EP300: variants seen among roughly 807,000 people sequenced by gnomAD.
EP300 encodes the protein EP300 lysine acetyltransferase.
EP300 carries 31 observed loss-of-function variants against 264.0 expected under a neutral mutation model. The ratio of observed to expected loss-of-function variants is 0.12; its 90% confidence interval spans 0.09 to 0.16. EP300 has a LOEUF of 0.16. Ranked by LOEUF, EP300 falls within the 10% of genes least tolerant of loss-of-function variation. The probability of loss-of-function intolerance (pLI) is 1.00; values close to 1 mark genes in which losing one functional copy is unlikely to be tolerated. For missense variants in EP300, 2,766 were observed against 3,052.9 expected (o/e 0.91, Z 2.21); for synonymous variants, 1,340 against 1,045.4 (o/e 1.28, Z -5.44).
At chr22:41,124,780 T>C (rs2058871406) in intron 2 of EP300, among the ~76,000 whole-genome samples, 1 of 152,220 alleles carries the variant, frequency 6.6e-6, no homozygotes, top group Admixed American at 6.5e-5. Context: ...TTTAACAGAA[T>C]TAAATGAAGA....
At position 41,147,910 on chromosome 22, in the gene EP300, C is replaced by G. The variant is rs1416253825; in HGVS notation, c.2205C>G (p.His735Gln). ...CCCGGCAAACCCCTCCTCTTCAGCA[C>G]CATGGACAGTTGGCTCAACCTGGAG... is the stretch of plus-strand genomic sequence containing the variant. The part of the protein sequence containing the change: ...IVPRQTPPLQ[H>Q]HGQLAQPGAL... Residue 735 changes from histidine (H) to glutamine (Q), a missense_variant, in exon 12 of 31, where the codon CAC (histidine) becomes CAG (glutamine). Transcript: ENST00000263253. The G allele has an allele frequency of 6.8e-6, 11 of 1,613,468 alleles. No individual in the cohort carries two copies. The highest frequency in any genetic ancestry group is 9.3e-6 in the Non-Finnish European group (11 of 1,179,710).
Position 41,179,309 on chromosome 22 carries a change from A to G in EP300, c.*353A>G, listed in dbSNP as rs982451873. On this transcript the variant is annotated 3_prime_UTR_variant, in exon 31 of 31. Transcript: ENST00000263253. ...TATTATTTTTTTTAAATTAATGAAC[A>G]TATGTAATATTAATAGTTATTATTT... 1.4e-5 allele frequency: 4 copies of G among 285,800 alleles called. No individual in the cohort carries two copies. The highest frequency in any genetic ancestry group is 6.4e-5 in the African/African-American group (3 of 46,640). 17.7% of individuals were successfully genotyped at this position (285,800 alleles called of 1,614,324 possible).
At chr22:41,165,068 G>A (rs1022386385) in intron 22 of EP300, among the ~76,000 whole-genome samples, 3 of 152,022 alleles carry the variant, frequency 2.0e-5, no homozygotes, top group African/African-American at 4.8e-5. Flanking sequence ...TTTTTTCACC[G>A]TTATTTTCAC....
chr22:41,178,620 C>G lies in EP300; in HGVS notation c.6909C>G (p.Leu2303=), dbSNP rs146712254. 6.2e-7 allele frequency: 1 copy of G among 1,614,126 alleles called. No homozygotes were observed. The highest frequency in any genetic ancestry group is 8.5e-7 in the Non-Finnish European group (1 of 1,180,016). Residue 2303 remains leucine (L), a synonymous_variant, in exon 31 of 31, where the codon CTC becomes CTG. Coordinates refer to ENST00000263253, the MANE Select transcript of EP300 (RefSeq NM_001429.4). Reference sequence around the variant, plus strand: ...AAGGCCAGCAGATCCCTAATTCTCTCTCCAATCAAGTGCGCTCTCCCCAGC... The same window carrying G: ...AAGGCCAGCAGATCCCTAATTCTCTGTCCAATCAAGTGCGCTCTCCCCAGC... ...HLQGQQIPNS[L]SNQVRSPQPV...
chr22:41,126,833 C>T (rs2145709217), intron 3 of EP300, among the ~76,000 whole-genome samples: 1 of 142,652 alleles, frequency 7.0e-6, no homozygotes, highest in Admixed American at 7.5e-5. Context: ...CAACTTCTCC[C>T]TCCTGGTTTC....
intron 1 of EP300, among the ~76,000 whole-genome samples, chr22:41,115,823 G>T (rs906849430): frequency 6.6e-6 from 1 of 152,174 alleles, no homozygotes; most frequent in African/African-American, 2.4e-5. Context: ...GTAGGCTACA[G>T]GTCAAAAACT....
At chr22:41,094,172 AATGAAG>A (rs1237663517) in intron 1 of EP300, among the ~76,000 whole-genome samples, 3 of 152,132 alleles carry the variant, frequency 2.0e-5, no homozygotes, top group African/African-American at 7.2e-5. Flanking sequence ...TTGCTGGGAT[AATGAAG>A]ATGAAGAATG....
intron 21 of EP300, among the ~76,000 whole-genome samples, chr22:41,163,429 C>T (rs1321112587): frequency 9.6e-5 from 10 of 103,814 alleles, no homozygotes; most frequent in Admixed American, 3.4e-4. Flanking sequence ...AGCGAGACTC[C>T]GTCTCAAAAA....
At chr22:41,112,022 G>A (rs1184325785) in intron 1 of EP300, among the ~76,000 whole-genome samples, 3 of 151,012 alleles carry the variant, frequency 2.0e-5, no homozygotes, top group Non-Finnish European at 2.9e-5. Context: ...CGAGTAGCTG[G>A]GACTACAGGC....
At chr22:41,119,145 G>A (rs1368731216) in intron 2 of EP300, among the ~76,000 whole-genome samples, 3 of 146,650 alleles carry the variant, frequency 2.0e-5, no homozygotes, top group African/African-American at 5.0e-5. Context: ...TGGAACTGAA[G>A]GCACATACCA....
intron 1 of EP300, among the ~76,000 whole-genome samples, chr22:41,099,870 G>C (rs1048034488): frequency 1.3e-5 from 2 of 152,172 alleles, no homozygotes; most frequent in East Asian, 1.9e-4. Flanking sequence ...TACATTAGAC[G>C]GAGGGGAGAT....
rs2059164617 is a variant in EP300 at position 41,170,679 on chromosome 22, T to G, written c.4452+108T>G. 2.8e-5 allele frequency: 27 copies of G among 950,736 alleles called. No individual in the cohort carries two copies. In the South Asian group the frequency reaches 3.9e-4, roughly 14 times the overall value. The allele number at this position is 950,736 out of a possible 1,614,324, so 58.9% of individuals were successfully genotyped here. On this transcript the variant is annotated intron_variant, in intron 27 of 30. Coordinates refer to ENST00000263253, the MANE Select transcript of EP300 (RefSeq NM_001429.4). ...TTTTTTTTTTTTTTTTTTTTTTTTT[T>G]GAGACGGAGTCTCGCTCTGTCACGC... is the stretch of plus-strand genomic sequence containing the variant.
In EP300 at chr22:41,152,310, T is replaced by C; in HGVS notation, c.3102T>C (p.Ala1034=). Residue 1034 remains alanine (A), a synonymous_variant, in exon 16 of 31, where the codon GCT becomes GCC. Coordinates refer to ENST00000263253, the MANE Select transcript of EP300 (RefSeq NM_001429.4). ...KEEEDQPSTS[A]TQSSPAPGQS... ...AGGAAGACCAGCCAAGTACTTCAGC[T>C]ACCCAGTCATCTCCGGCTCCAGGAC... 2 of 1,614,096 alleles carry C rather than the reference T, an allele frequency of 1.2e-6. No homozygotes were observed. The highest frequency in any genetic ancestry group is 1.7e-6 in the Non-Finnish European group (2 of 1,180,000).
At chr22:41,152,573 T>C (rs1156599341) in intron 16 of EP300, among the ~76,000 whole-genome samples, 5 of 152,022 alleles carry the variant, frequency 3.3e-5, no homozygotes, top group Non-Finnish European at 1.5e-5. Flanking sequence ...ATTCCCCTCA[T>C]TTCTTCAGGG....
intron 1 of EP300, among the ~76,000 whole-genome samples, chr22:41,115,996 T>C (rs2058818882): frequency 6.6e-6 from 1 of 152,220 alleles, no homozygotes; most frequent in Non-Finnish European, 1.5e-5. Flanking sequence ...TAAAATGTTT[T>C]CTTTCCATCC....
At chr22:41,099,070 G>GT (rs1434518281) in intron 1 of EP300, among the ~76,000 whole-genome samples, 2 of 152,076 alleles carry the variant, frequency 1.3e-5, no homozygotes, top group South Asian at 2.1e-4. Context: ...GGTTGTTTTT[G>GT]TTTTTTTGAT....
chr22:41,126,062 A>G (rs2145708186), intron 3 of EP300, 22 bp downstream of exon 3: 4 of 1,612,514 alleles, frequency 2.5e-6, no homozygotes, highest in Non-Finnish European at 3.4e-6. Context: ...TCCATTACAG[A>G]CTTGTTTTCA....
At chr22:41,100,573 C>A (rs2058726210) in intron 1 of EP300, among the ~76,000 whole-genome samples, 1 of 152,182 alleles carries the variant, frequency 6.6e-6, no homozygotes, top group Non-Finnish European at 1.5e-5. Flanking sequence ...TCCATGGTTG[C>A]ATCTGTACTG....
At chr22:41,113,412 C>T (rs192502380) in intron 1 of EP300, among the ~76,000 whole-genome samples, 23 of 152,036 alleles carry the variant, frequency 1.5e-4, no homozygotes, top group African/African-American at 5.1e-4. Flanking sequence ...TTCCTATTTC[C>T]TGTTTCGTTT....
Sources: allele counts gnomAD v4.1 joint callset (sites outside exome capture counted in the v4.1 genomes callset), GRCh38; gene constraint gnomAD v4.1.1; transcripts MANE v1.5; gene names NCBI Gene and HGNC (gene_info 2026-07-23, HGNC 2026-07-21).